Variants in L3MBTL4 observed in about 807,000 individuals in gnomAD.
L3MBTL4 encodes L3MBTL histone methyl-lysine binding protein 4.
L3MBTL4 carries 70 observed loss-of-function variants against 84.5 expected under a neutral mutation model. The ratio of observed to expected loss-of-function variants is 0.83; its 90% CI spans 0.68 to 1.01. L3MBTL4 has a LOEUF of 1.01. L3MBTL4 is among the 50% of genes least tolerant of loss of function. The pLI is 0.00. For synonymous variants in L3MBTL4, 274 were observed against 259.8 expected, an observed-to-expected ratio of 1.05 and a Z score of -0.52; for missense variants, 715 against 754.8, an observed-to-expected ratio of 0.95 and a Z score of 0.62.
chr18:6,337,762 G>T (rs189977724), intron 1 of L3MBTL4, among the ~76,000 whole-genome samples: 6 of 152,044 alleles, frequency 3.9e-5, no homozygotes, highest in African/African-American at 1.4e-4. Flanking sequence ...TAAGTTCAGC[G>T]ACTAGTTTAC....
intron 16 of L3MBTL4, among the ~76,000 whole-genome samples, chr18:5,998,329 G>A (rs1401754649): frequency 6.6e-6 from 1 of 152,250 alleles, no homozygotes; most frequent in Non-Finnish European, 1.5e-5. Flanking sequence ...CCTCCCCTGC[G>A]CTGCGTCTGC....
At chr18:6,406,238 G>A (rs1430315978) in intron 1 of L3MBTL4, among the ~76,000 whole-genome samples, 1 of 152,226 alleles carries the variant, frequency 6.6e-6, no homozygotes, top group Non-Finnish European at 1.5e-5. Context: ...ATGGATAAAT[G>A]TGGGCAAATT....
In L3MBTL4 at chr18:6,247,466, A is replaced by ATTTTTTTTTTTTTTTTTTTT. The variant is rs71163266; in HGVS notation, c.220-2898_220-2879dup. Among the ~76,000 whole-genome samples the ATTTTTTTTTTTTTTTTTTTT allele has an allele frequency of 6.0e-5, 3 of 49,642 alleles. 1 individual carries two copies. The highest frequency in any genetic ancestry group is 3.1e-4 in the African/African-American group (3 of 9,676). The allele number at this position is 49,642 out of a possible 152,430, so 32.6% of individuals were successfully genotyped here. A position where few individuals can be genotyped will look rare whatever the true frequency, so the allele number is the denominator to read the frequency against. On this transcript the variant is annotated intron_variant, in intron 5 of 18. Transcript: ENST00000317931. ...AGAATGCAGACTTCCCCCTCCTCTG[A>ATTTTTTTTTTTTTTTTTTTT]TTTTTTTTTTTTTTTTTTTTTTTTT... is the stretch of plus-strand genomic sequence containing the variant.
intron 1 of L3MBTL4, among the ~76,000 whole-genome samples, chr18:6,359,976 A>G (rs1353624071): frequency 2.0e-5 from 3 of 152,182 alleles, no homozygotes; most frequent in Non-Finnish European, 4.4e-5. Flanking sequence ...ATTCAGAAGC[A>G]CCACATGACA....
chr18:6,363,336 C>G (rs538543870), intron 1 of L3MBTL4, among the ~76,000 whole-genome samples: 2 of 152,266 alleles, frequency 1.3e-5, no homozygotes, highest in South Asian at 4.2e-4. Flanking sequence ...CCCAGGCCCC[C>G]CGGGTGCCCT....
At chr18:6,265,255 T>A (rs1261320306) in intron 4 of L3MBTL4, among the ~76,000 whole-genome samples, 3 of 152,272 alleles carry the variant, frequency 2.0e-5, no homozygotes, top group Non-Finnish European at 4.4e-5. Flanking sequence ...GCTTTCTTTT[T>A]CTGCTTTCCA....
chr18:6,039,183 G>T (rs1455384399), intron 16 of L3MBTL4, among the ~76,000 whole-genome samples: 1 of 151,932 alleles, frequency 6.6e-6, no homozygotes, highest in Non-Finnish European at 1.5e-5. Context: ...TGACCTTCTA[G>T]CCTCCACAAC....
At chr18:6,013,625 A>G (rs2054833563) in intron 16 of L3MBTL4, among the ~76,000 whole-genome samples, 1 of 152,158 alleles carries the variant, frequency 6.6e-6, no homozygotes, top group Non-Finnish European at 1.5e-5. Flanking sequence ...GACTGGTCCA[A>G]CGTCCCTGCC....
chr18:6,164,404 G>T (rs558009169), intron 13 of L3MBTL4, among the ~76,000 whole-genome samples: 1 of 152,222 alleles, frequency 6.6e-6, no homozygotes, highest in Non-Finnish European at 1.5e-5. Flanking sequence ...CCTGACCCCC[G>T]AGTAGCCTAA....
At chr18:6,163,654 A>G (rs974980026) in intron 13 of L3MBTL4, among the ~76,000 whole-genome samples, 85 of 152,336 alleles carry the variant, frequency 5.6e-4, no homozygotes, top group Non-Finnish European at 9.7e-4. Context: ...AATACTGCCA[A>G]CAACACATGG....
intron 12 of L3MBTL4, among the ~76,000 whole-genome samples, chr18:6,188,838 C>A (rs1177464157): frequency 6.6e-6 from 1 of 152,230 alleles, no homozygotes; most frequent in Non-Finnish European, 1.5e-5. Flanking sequence ...CCTGGGATCA[C>A]TAGAGGGAGT....
intron 4 of L3MBTL4, among the ~76,000 whole-genome samples, chr18:6,284,949 G>A (rs1389393511): frequency 6.6e-6 from 1 of 152,232 alleles, no homozygotes; most frequent in Admixed American, 6.5e-5. Flanking sequence ...CTCAGAGCCT[G>A]GCAGGGCAGC....
chr18:6,028,123 G>A (rs191978816), intron 16 of L3MBTL4, among the ~76,000 whole-genome samples: 24 of 152,202 alleles, frequency 1.6e-4, no homozygotes, highest in Admixed American at 1.1e-3. Context: ...TGTATATGTC[G>A]TGAATGGTAT....
chr18:6,179,055 A>G (rs1270488578), intron 12 of L3MBTL4, among the ~76,000 whole-genome samples: 1 of 152,230 alleles, frequency 6.6e-6, no homozygotes, highest in African/African-American at 2.4e-5. Context: ...GAAGACGAGG[A>G]AGTTATTATA....
chr18:6,388,324 G>A (rs757870372), intron 1 of L3MBTL4, among the ~76,000 whole-genome samples: 29 of 152,282 alleles, frequency 1.9e-4, no homozygotes, highest in Non-Finnish European at 3.5e-4. Context: ...TTAGCAATAC[G>A]GGAATGGCAG....
chr18:6,179,716 C>T (rs751648966), intron 12 of L3MBTL4, among the ~76,000 whole-genome samples: 13 of 152,236 alleles, frequency 8.5e-5, no homozygotes, highest in Non-Finnish European at 1.8e-4. Flanking sequence ...TCACTGCAGC[C>T]TCAAACTCCT....
chr18:6,033,971 A>G (rs1218735387), intron 16 of L3MBTL4, among the ~76,000 whole-genome samples: 1 of 152,226 alleles, frequency 6.6e-6, no homozygotes, highest in Non-Finnish European at 1.5e-5. Flanking sequence ...ATAGTTGTTT[A>G]AGGTATTTAC....
At chr18:6,178,924 A>G (rs112277175) in intron 12 of L3MBTL4, among the ~76,000 whole-genome samples, 84 of 152,292 alleles carry the variant, frequency 5.5e-4, no homozygotes, top group African/African-American at 1.9e-3. Flanking sequence ...CGCCTCAGTC[A>G]TGTTCGCTGC....
At chr18:6,139,535 G>T (rs572021918) in intron 13 of L3MBTL4, among the ~76,000 whole-genome samples, 1 of 151,158 alleles carries the variant, frequency 6.6e-6, no homozygotes, top group Admixed American at 6.6e-5. Flanking sequence ...ACACACACAC[G>T]CACACTCACA....
Sources: gnomAD v4.1 joint callset for allele counts (sites outside exome capture counted in the v4.1 genomes callset) on GRCh38, gnomAD v4.1.1 for gene constraint, MANE v1.5 for transcripts, NCBI Gene and HGNC (gene_info 2026-07-23, HGNC 2026-07-21) for gene names.